The following BNIP2 variants were observed in gnomAD, a reference collection of about 807,000 sequenced individuals.
The protein encoded by BNIP2 is BCL2 interacting protein 2.
BNIP2 carries 36 observed loss-of-function variants against 43.4 expected under a neutral mutation model. The observed-to-expected ratio is 0.83, with a 90% CI of 0.64 to 1.10. The LOEUF is 1.10. Ranked by LOEUF, BNIP2 falls within the 50% of genes least tolerant of loss-of-function variation. The pLI is 0.00. For missense variants in BNIP2, 417 were observed against 374.1 expected (o/e 1.11, Z -0.95); for synonymous variants, 146 against 121.0 (o/e 1.21, Z -1.35).
Position 59,678,758 on chromosome 15 carries a change from G to C in BNIP2, c.296-671C>G. ...TATTATAGTCCTTACCAAAAGATGG[G>C]GGGAGGGGGAAACCTACTGCATGTT... On this transcript the variant is annotated intron_variant, in intron 4 of 9. Coordinates refer to ENST00000607373, the MANE Select transcript of BNIP2 (RefSeq NM_004330.4). 2.3e-6 allele frequency: 3 copies of C among 1,293,788 alleles called. No individual in the cohort carries two copies. The South Asian group carries it at 3.8e-5, about 16-fold the overall frequency. The allele number at this position is 1,293,788 out of a possible 1,614,324, so 80.1% of individuals were successfully genotyped here. A position where few individuals can be genotyped will look rare whatever the true frequency, so the allele number is the denominator to read the frequency against.
intron 7 of BNIP2, among the ~76,000 whole-genome samples, chr15:59,669,880 T>C (rs1892794082): frequency 6.6e-6 from 1 of 152,222 alleles, no homozygotes; most frequent in African/African-American, 2.4e-5. Flanking sequence ...CCTTTTTAAA[T>C]GACTAAATAC....
chr15:59,682,883 T>C (rs4533213), intron 1 of BNIP2, among the ~76,000 whole-genome samples: 49,998 of 152,064 alleles, frequency 0.33, 8,547 homozygotes, highest in East Asian at 0.54. Flanking sequence ...AATTAAATTT[T>C]CTGTCCCTTG....
intron 1 of BNIP2, 132 bp from the exon 2 acceptor site, chr15:59,682,646 G>A (rs1318376624): frequency 5.9e-6 from 4 of 673,294 alleles, no homozygotes; most frequent in South Asian, 3.9e-5. Flanking sequence ...TCATTTACAG[G>A]GTTGCAATTT....
At chr15:59,676,401 C>T (rs1893294631) in intron 5 of BNIP2, among the ~76,000 whole-genome samples, 1 of 151,936 alleles carries the variant, frequency 6.6e-6, no homozygotes, top group Non-Finnish European at 1.5e-5. Flanking sequence ...GTTGCCCAAG[C>T]TGGTCCTGAA....
At chr15:59,686,115 T>C (rs1201549473) in intron 1 of BNIP2, among the ~76,000 whole-genome samples, 1 of 152,204 alleles carries the variant, frequency 6.6e-6, no homozygotes, top group African/African-American at 2.4e-5. Flanking sequence ...TTCAAAACAG[T>C]TGTTGACCTT....
rs921815851 is a variant in BNIP2, at chr15:59,678,720, T to C, written c.296-633A>G. ...GCTGATTTTCAATGTAGTAATAATT[T>C]TCAAAATTTCAGTATTATAGTCCTT... On this transcript the variant is annotated intron_variant, in intron 4 of 9. Coordinates refer to ENST00000607373, the MANE Select transcript of BNIP2 (RefSeq NM_004330.4). 3.6e-5 allele frequency: 44 copies of C among 1,231,652 alleles called. No individual in the cohort carries two copies. The Admixed American group carries it at 6.6e-4, about 19-fold the overall frequency. 76.3% of individuals were successfully genotyped at this position (1,231,652 alleles called of 1,614,324 possible). A position where few individuals can be genotyped will look rare whatever the true frequency, so the allele number is the denominator to read the frequency against.
intron 4 of BNIP2, 54 bp downstream of exon 4, chr15:59,679,538 C>A: frequency 6.5e-7 from 1 of 1,530,144 alleles, no homozygotes; most frequent in Non-Finnish European, 8.9e-7. Context: ...GTATTTCAAA[C>A]AAAATCCCTT....
In BNIP2 at chr15:59,668,951, CA is replaced by C; in HGVS notation, c.833del (p.Leu278TrpfsTer4). The C allele has an allele frequency of 1.2e-6, 2 of 1,613,502 alleles. No homozygotes were observed. The highest frequency in any genetic ancestry group is 1.7e-6 in the Non-Finnish European group (2 of 1,179,698). Reference protein sequence around the residue: ...FSQKIRYVFNLAELAELVPME... With the variant: ...FSQKIRYVFNXAELAELVPME... ...TGGGGACAAGTTCTGCTAGTTCTGC[CA>C]AATTAAACACGTATCTAATTTTTTG... On this transcript the variant is annotated frameshift_variant, in exon 9 of 10. Coordinates refer to ENST00000607373, the MANE Select transcript of BNIP2 (RefSeq NM_004330.4). LOFTEE classifies it high-confidence loss of function.
At chr15:59,676,356 T>A (rs1014456908) in intron 5 of BNIP2, among the ~76,000 whole-genome samples, 1 of 151,946 alleles carries the variant, frequency 6.6e-6, no homozygotes, top group Admixed American at 6.6e-5. Flanking sequence ...TTTATTTTTT[T>A]ATTTTTTTTA....
chr15:59,671,753 G>T lies in BNIP2; in HGVS notation c.576-439C>A, dbSNP rs185411306. On this transcript the variant is annotated intron_variant, in intron 6 of 9. Coordinates refer to ENST00000607373, the MANE Select transcript of BNIP2 (RefSeq NM_004330.4). ...TTATATTGGCCTTCTAGGGGTAAAT[G>T]TAATTTAGCCACATGATTTTGAGAC... Among the ~76,000 whole-genome samples the T allele has an allele frequency of 5.9e-5, 9 of 152,322 alleles. No homozygotes were observed. The East Asian group carries it at 1.2e-3, about 20-fold the overall frequency.
chr15:59,674,496 G>A (rs1357076489), intron 5 of BNIP2, among the ~76,000 whole-genome samples: 17 of 152,156 alleles, frequency 1.1e-4, no homozygotes, highest in African/African-American at 3.1e-4. Flanking sequence ...TGGACTTCCT[G>A]ATGCAGATTA....
chr15:59,671,005 G>A (rs1412896105), intron 7 of BNIP2, among the ~76,000 whole-genome samples, 178 bp downstream of exon 7: 1 of 151,762 alleles, frequency 6.6e-6, no homozygotes, highest in East Asian at 1.9e-4. Flanking sequence ...CCTGGGAGGT[G>A]GAGGTTGCGG....
intron 1 of BNIP2, among the ~76,000 whole-genome samples, chr15:59,688,249 G>C (rs1439707541): frequency 6.6e-6 from 1 of 152,182 alleles, no homozygotes; most frequent in African/African-American, 2.4e-5. Flanking sequence ...AAGGTCAGTT[G>C]TAACTTTGAG....
chr15:59,678,404 C>T, intron 4 of BNIP2: 1 of 1,077,546 alleles, frequency 9.3e-7, no homozygotes, highest in Non-Finnish European at 1.1e-6. Context: ...CTTACAATGC[C>T]TTTCCAGATT....
At chr15:59,678,623 A>G in intron 4 of BNIP2, 1 of 1,151,286 alleles carries the variant, frequency 8.7e-7, no homozygotes, top group East Asian at 6.4e-5. Context: ...GCAGAAGTCT[A>G]TTTAAATTAG....
At chr15:59,675,886 A>G (rs1448380172) in intron 5 of BNIP2, among the ~76,000 whole-genome samples, 1 of 152,220 alleles carries the variant, frequency 6.6e-6, no homozygotes, top group Non-Finnish European at 1.5e-5. Context: ...TTTAGTTACT[A>G]TATATGAAAT....
intron 1 of BNIP2, chr15:59,688,902 G>C: frequency 6.8e-7 from 1 of 1,469,890 alleles, no homozygotes; most frequent in Middle Eastern, 2.4e-4. Flanking sequence ...ACGGGGTGGG[G>C]GGCCAAACTG....
At chr15:59,683,802 G>C (rs6151471) in intron 1 of BNIP2, among the ~76,000 whole-genome samples, 1 of 152,224 alleles carries the variant, frequency 6.6e-6, no homozygotes, top group Non-Finnish European at 1.5e-5. Context: ...CTGGGTGACA[G>C]AGCAAAACCA....
intron 9 of BNIP2, among the ~76,000 whole-genome samples, chr15:59,668,444 G>C (rs1433024657): frequency 6.6e-6 from 1 of 152,138 alleles, no homozygotes; most frequent in Non-Finnish European, 1.5e-5. Flanking sequence ...AATCAGAACA[G>C]AATTTCAGTC....
Sources: gnomAD v4.1 joint callset for allele counts (sites outside exome capture counted in the v4.1 genomes callset) on GRCh38, gnomAD v4.1.1 for gene constraint, MANE v1.5 for transcripts, NCBI Gene and HGNC (gene_info 2026-07-23, HGNC 2026-07-21) for gene names.